The following FBXL17 variants were observed in gnomAD, a reference collection of about 807,000 sequenced individuals.
FBXL17 encodes the protein F-box and leucine rich repeat protein 17.
Under a neutral mutation model 66.2 loss-of-function variants are expected in FBXL17, and 22 were observed. That is an observed-to-expected ratio of 0.33 (90% CI 0.24 to 0.47). FBXL17 has a LOEUF of 0.47. Among genes scored for constraint, FBXL17 ranks in the 20% least tolerant of loss-of-function variants. The pLI is 1.00. For missense variants in FBXL17, 878 were observed against 948.2 expected, an observed-to-expected ratio of 0.93 and a Z score of 0.97; for synonymous variants, 474 against 400.5, an observed-to-expected ratio of 1.18 and a Z score of -2.19.
At chr5:108,376,912 G>A (rs1356975526) in intron 1 of FBXL17, among the ~76,000 whole-genome samples, 2 of 151,166 alleles carry the variant, frequency 1.3e-5, no homozygotes, top group African/African-American at 2.4e-5. Context: ...GTGAGCCACC[G>A]CACCTGGCCA....
chr5:108,210,899 T>G (rs1015554548), intron 5 of FBXL17, among the ~76,000 whole-genome samples: 1 of 152,192 alleles, frequency 6.6e-6, no homozygotes, highest in Non-Finnish European at 1.5e-5. Flanking sequence ...CTGTCTAATA[T>G]TGACAGTGGG....
intron 1 of FBXL17, among the ~76,000 whole-genome samples, chr5:108,369,016 T>C (rs1748853126): frequency 1.3e-5 from 2 of 152,134 alleles, no homozygotes; most frequent in Admixed American, 1.3e-4. Context: ...CTGCTGAATT[T>C]CACCCTGACC....
intron 6 of FBXL17, among the ~76,000 whole-genome samples, chr5:108,055,292 A>AC (rs1561388144): frequency 0.014 from 980 of 72,288 alleles, 21 homozygotes; most frequent in African/African-American, 0.062. Flanking sequence ...AAAAAAAAAA[A>AC]AAAAAAAAAA....
intron 5 of FBXL17, among the ~76,000 whole-genome samples, chr5:108,213,067 T>C (rs1754444947): frequency 2.0e-5 from 3 of 152,100 alleles, no homozygotes; most frequent in Admixed American, 6.5e-5. Flanking sequence ...CTCCACCCAG[T>C]TGGAACTTCT....
intron 6 of FBXL17, among the ~76,000 whole-genome samples, chr5:108,044,568 T>C (rs567377903): frequency 3.1e-4 from 47 of 152,290 alleles, no homozygotes; most frequent in South Asian, 2.3e-3. Flanking sequence ...AAAGGATTCA[T>C]TGGGAACACT....
chr5:107,895,638 C>G lies in FBXL17; in HGVS notation c.1823-14459G>C, dbSNP rs77139837. On this transcript the variant is annotated intron_variant, in intron 7 of 8. Transcript: ENST00000542267. Reference sequence around the variant, plus strand: ...CATCCCCGCTTTTCTGCAAATGATGCTCTCAAATAAAATGCAAGTTAATAG... The same window carrying G: ...CATCCCCGCTTTTCTGCAAATGATGGTCTCAAATAAAATGCAAGTTAATAG... Among the ~76,000 whole-genome samples the G allele has an allele frequency of 5.4e-3, 819 of 152,246 alleles. 6 individuals carry two copies. Among genetic ancestry groups the G allele is most frequent in the African/African-American group, 0.018 (756 of 41,538 alleles).
chr5:108,125,450 C>T (rs1395927326), intron 6 of FBXL17, among the ~76,000 whole-genome samples: 4 of 151,870 alleles, frequency 2.6e-5, no homozygotes, highest in African/African-American at 4.8e-5. Flanking sequence ...AAGTAGGTCA[C>T]GATCAAAACT....
intron 7 of FBXL17, among the ~76,000 whole-genome samples, chr5:108,008,140 T>C (rs1754009403): frequency 6.6e-6 from 1 of 152,158 alleles, no homozygotes; most frequent in African/African-American, 2.4e-5. Flanking sequence ...AGTACAAGCA[T>C]CAAAAGCTGT....
intron 6 of FBXL17, among the ~76,000 whole-genome samples, chr5:108,178,096 G>A (rs1277995413): frequency 3.3e-5 from 5 of 151,970 alleles, no homozygotes; most frequent in Middle Eastern, 3.4e-3. Context: ...CACGATCACA[G>A]CTCACTGCAA....
chr5:107,935,741 G>C lies in FBXL17; in HGVS notation c.1823-54562C>G, dbSNP rs145265692. On this transcript the variant is annotated intron_variant, in intron 7 of 8. Coordinates refer to ENST00000542267, the MANE Select transcript of FBXL17 (RefSeq NM_001163315.3). ...GCCAAACAGAAGTGTTAGGTAACAAGTCTGAATAGAAATGCCAGCACCAGC... is the reference window on the plus strand; with the variant it reads ...GCCAAACAGAAGTGTTAGGTAACAACTCTGAATAGAAATGCCAGCACCAGC... Among the ~76,000 whole-genome samples, 80 of 152,230 alleles carry C rather than the reference G, an allele frequency of 5.3e-4. 1 individual carries two copies. Among genetic ancestry groups the C allele is most frequent in the African/African-American group, 1.9e-3 (78 of 41,546 alleles).
intron 7 of FBXL17, among the ~76,000 whole-genome samples, chr5:107,883,792 C>G (rs1322812693): frequency 1.3e-5 from 2 of 152,138 alleles, no homozygotes; most frequent in East Asian, 3.9e-4. Context: ...CAGAGGCACG[C>G]TAAGGGGGTG....
chr5:108,156,421 T>G (rs889691030), intron 6 of FBXL17, among the ~76,000 whole-genome samples: 1 of 151,992 alleles, frequency 6.6e-6, no homozygotes, highest in African/African-American at 2.4e-5. Context: ...TCTGGAAACA[T>G]GTACAGTAAT....
intron 4 of FBXL17, among the ~76,000 whole-genome samples, chr5:108,335,932 T>A (rs1250735239): frequency 6.6e-6 from 1 of 152,106 alleles, no homozygotes; most frequent in East Asian, 1.9e-4. Context: ...AAAACACAAT[T>A]TAATCCAAGG....
intron 7 of FBXL17, among the ~76,000 whole-genome samples, chr5:107,961,735 T>C (rs534494115): frequency 2.6e-5 from 4 of 152,176 alleles, no homozygotes; most frequent in South Asian, 2.1e-4. Flanking sequence ...TGTTAAAAGA[T>C]ACCTGATTCA....
In FBXL17 at chr5:108,208,936, T is replaced by C. The variant is rs911525729; in HGVS notation, c.1614+15185A>G. Among the ~76,000 whole-genome samples the C allele has an allele frequency of 6.6e-5, 10 of 152,196 alleles. 1 individual carries two copies. The highest frequency in any genetic ancestry group is 2.6e-4 in the Admixed American group (4 of 15,272). The stretch of plus-strand genomic sequence containing the variant: ...ATTTTCATGATATTGATTCTTCCTA[T>C]CCATGAGCATGGAATGCTTTTCCAT... On this transcript the variant is annotated intron_variant, in intron 5 of 8. Transcript: ENST00000542267.
intron 4 of FBXL17, among the ~76,000 whole-genome samples, chr5:108,224,558 A>AC (rs1755016321): frequency 3.3e-5 from 4 of 120,440 alleles, no homozygotes; most frequent in East Asian, 3.5e-4. Context: ...CACACACACA[A>AC]ACACACACAT....
At chr5:107,950,606 C>T (rs1751467634) in intron 7 of FBXL17, among the ~76,000 whole-genome samples, 4 of 152,190 alleles carry the variant, frequency 2.6e-5, no homozygotes, top group Admixed American at 2.6e-4. Flanking sequence ...TCAGATGTCT[C>T]ATATGGTCTC....
intron 4 of FBXL17, among the ~76,000 whole-genome samples, chr5:108,281,507 A>G (rs893870249): frequency 1.1e-4 from 16 of 151,882 alleles, no homozygotes; most frequent in African/African-American, 3.9e-4. Context: ...ATACAATATA[A>G]CAAAACCTGT....
chr5:107,944,932 A>C (rs1458870963), intron 7 of FBXL17, among the ~76,000 whole-genome samples: 1 of 152,138 alleles, frequency 6.6e-6, no homozygotes, highest in Non-Finnish European at 1.5e-5. Context: ...CAACTACATT[A>C]AAATGAAAAA....
Sources: allele counts gnomAD v4.1 joint callset (sites outside exome capture counted in the v4.1 genomes callset), GRCh38; gene constraint gnomAD v4.1.1; transcripts MANE v1.5; gene names NCBI Gene and HGNC (gene_info 2026-07-23, HGNC 2026-07-21).